Variants in PLCB1 observed in about 807,000 individuals in gnomAD.
PLCB1 encodes the protein phospholipase C beta 1.
PLCB1 carries 46 observed loss-of-function variants against 161.8 expected under a neutral mutation model. The ratio of observed to expected loss-of-function variants is 0.28; its 90% CI spans 0.22 to 0.36. PLCB1 has a LOEUF of 0.36. Among genes scored for constraint, PLCB1 ranks in the 10% least tolerant of loss-of-function variants. The probability of loss-of-function intolerance (pLI) is 1.00; values close to 1 mark genes in which losing one functional copy is unlikely to be tolerated. For synonymous variants in PLCB1, 517 were observed against 503.7 expected, an observed-to-expected ratio of 1.03 and a Z score of -0.35; for missense variants, 1,016 against 1,472.5, an observed-to-expected ratio of 0.69 and a Z score of 5.07.
chr20:8,511,855 T>A (rs1983906618), intron 3 of PLCB1, among the ~76,000 whole-genome samples: 1 of 152,020 alleles, frequency 6.6e-6, no homozygotes, highest in Non-Finnish European at 1.5e-5. Flanking sequence ...TCTTTACCCA[T>A]TTTTTTAAAA....
chr20:8,840,892 C>A (rs1986478423), intron 31 of PLCB1, among the ~76,000 whole-genome samples: 1 of 152,178 alleles, frequency 6.6e-6, no homozygotes. Flanking sequence ...TCTCAGCACA[C>A]TGCAACCTCT....
chr20:8,153,551 A>G (rs770518105), intron 2 of PLCB1, among the ~76,000 whole-genome samples: 1 of 152,122 alleles, frequency 6.6e-6, no homozygotes, highest in Non-Finnish European at 1.5e-5. Context: ...AACCATGTGA[A>G]CTATAAGAAT....
At chr20:8,871,317 G>GT (rs1209646110) in intron 31 of PLCB1, among the ~76,000 whole-genome samples, 1 of 151,998 alleles carries the variant, frequency 6.6e-6, no homozygotes, top group Non-Finnish European at 1.5e-5. Flanking sequence ...CTACAGAGCT[G>GT]TGTCTCCCCA....
At chr20:8,456,969 T>G (rs1334883951) in intron 3 of PLCB1, among the ~76,000 whole-genome samples, 1 of 152,248 alleles carries the variant, frequency 6.6e-6, no homozygotes, top group Non-Finnish European at 1.5e-5. Flanking sequence ...TTTCAACATA[T>G]GAATTTTGGA....
At chr20:8,310,026 CT>C (rs140705995) in intron 2 of PLCB1, among the ~76,000 whole-genome samples, 8 of 146,704 alleles carry the variant, frequency 5.5e-5, no homozygotes, top group Admixed American at 2.0e-4. Flanking sequence ...TTAGTGTTTT[CT>C]TTTTTTTTTC....
chr20:8,687,446 C>T (rs1231077205), intron 10 of PLCB1, among the ~76,000 whole-genome samples: 1 of 152,180 alleles, frequency 6.6e-6, no homozygotes, highest in Non-Finnish European at 1.5e-5. Context: ...GCACCCATCA[C>T]CCGAGCAGTA....
chr20:8,187,070 T>C (rs1221351028), intron 2 of PLCB1, among the ~76,000 whole-genome samples: 5 of 152,174 alleles, frequency 3.3e-5, no homozygotes, highest in Non-Finnish European at 7.4e-5. Context: ...CTAAAGCTTA[T>C]ATGGGACTCT....
At chr20:8,654,120 T>C (rs1231412932) in intron 7 of PLCB1, among the ~76,000 whole-genome samples, 2 of 152,066 alleles carry the variant, frequency 1.3e-5, no homozygotes, top group Non-Finnish European at 2.9e-5. Context: ...CTATGGAATC[T>C]AGAAATGCAA....
chr20:8,596,861 G>T (rs1339416268), intron 3 of PLCB1, among the ~76,000 whole-genome samples: 2 of 151,432 alleles, frequency 1.3e-5, no homozygotes, highest in African/African-American at 4.8e-5. Flanking sequence ...TCTCTTTGAA[G>T]CAATTGTGAA....
intron 31 of PLCB1, among the ~76,000 whole-genome samples, chr20:8,807,535 T>TA (rs1984597652): frequency 6.6e-6 from 1 of 152,106 alleles, no homozygotes; most frequent in African/African-American, 2.4e-5. Context: ...GTGAATGCTT[T>TA]AAGTAGCTAC....
intron 2 of PLCB1, among the ~76,000 whole-genome samples, chr20:8,172,676 A>G (rs973867058): frequency 6.6e-5 from 10 of 152,216 alleles, no homozygotes; most frequent in Non-Finnish European, 2.9e-5. Flanking sequence ...CTTCTGATCT[A>G]TACAAGATGG....
At chr20:8,341,996 A>T (rs112679244) in intron 2 of PLCB1, among the ~76,000 whole-genome samples, 1 of 151,004 alleles carries the variant, frequency 6.6e-6, no homozygotes, top group Non-Finnish European at 1.5e-5. Flanking sequence ...CATTGACAGA[A>T]AAAAAAAAAC....
chr20:8,139,061 A>T (rs1043419992), intron 1 of PLCB1, among the ~76,000 whole-genome samples: 1 of 141,776 alleles, frequency 7.1e-6, no homozygotes, highest in Non-Finnish European at 1.5e-5. Context: ...AGCATCCTAC[A>T]TCTGTCTTTT....
At chr20:8,590,045 T>C (rs1274055185) in intron 3 of PLCB1, among the ~76,000 whole-genome samples, 1 of 152,132 alleles carries the variant, frequency 6.6e-6, no homozygotes, top group Non-Finnish European at 1.5e-5. Flanking sequence ...AAAATATGAA[T>C]TTCGGGTGGG....
At chr20:8,349,103 A>G (rs962162267) in intron 2 of PLCB1, among the ~76,000 whole-genome samples, 2 of 152,120 alleles carry the variant, frequency 1.3e-5, no homozygotes, top group Non-Finnish European at 2.9e-5. Context: ...ATATAACAAA[A>G]CAATATTAAA....
At chr20:8,302,705 C>T (rs914909308) in intron 2 of PLCB1, among the ~76,000 whole-genome samples, 11 of 152,088 alleles carry the variant, frequency 7.2e-5, no homozygotes, top group Non-Finnish European at 1.3e-4. Flanking sequence ...AATGCCTCTT[C>T]AGTTTTTTAA....
intron 3 of PLCB1, among the ~76,000 whole-genome samples, chr20:8,494,100 T>C (rs76079792): frequency 0.011 from 1,526 of 136,466 alleles, 49 homozygotes; most frequent in African/African-American, 0.046. Context: ...TTTAGCATCA[T>C]TGGAAGGTGA....
chr20:8,169,067 T>C (rs565277687), intron 2 of PLCB1, among the ~76,000 whole-genome samples: 6 of 152,214 alleles, frequency 3.9e-5, no homozygotes, highest in African/African-American at 9.6e-5. Context: ...GAGTGTGCTC[T>C]TGGAAGATGC....
At chr20:8,189,670 A>G (rs1600224886) in intron 2 of PLCB1, among the ~76,000 whole-genome samples, 1 of 152,182 alleles carries the variant, frequency 6.6e-6, no homozygotes, top group East Asian at 1.9e-4. Context: ...TATCATCCAA[A>G]TTGTCTTAAG....
Sources: gnomAD v4.1 joint callset for allele counts (sites outside exome capture counted in the v4.1 genomes callset) on GRCh38, gnomAD v4.1.1 for gene constraint, MANE v1.5 for transcripts, NCBI Gene and HGNC (gene_info 2026-07-23, HGNC 2026-07-21) for gene names.